Variants in PIAS2 observed in about 807,000 individuals in gnomAD.
The protein encoded by PIAS2 is protein inhibitor of activated STAT 2.
A neutral mutation model predicts 69.7 loss-of-function variants in PIAS2; 19 were observed. That is an observed-to-expected ratio of 0.27 (90% CI 0.19 to 0.40). PIAS2 has a LOEUF of 0.40. PIAS2 is among the 10% of genes least tolerant of loss of function. The pLI is 1.00. For synonymous variants in PIAS2, 261 were observed against 263.2 expected, an observed-to-expected ratio of 0.99 and a Z score of 0.08; for missense variants, 624 against 757.0, an observed-to-expected ratio of 0.82 and a Z score of 2.06.
intron 2 of PIAS2, among the ~76,000 whole-genome samples, chr18:46,878,225 C>T (rs758921102): frequency 2.9e-4 from 44 of 152,134 alleles, no homozygotes; most frequent in Non-Finnish European, 4.9e-4. Flanking sequence ...TCTCACCTGC[C>T]TTTTTAAGAT....
At chr18:46,836,732 G>A (rs1409867117) in intron 8 of PIAS2, among the ~76,000 whole-genome samples, 3 of 152,006 alleles carry the variant, frequency 2.0e-5, no homozygotes, top group African/African-American at 7.3e-5. Flanking sequence ...TTTTCAAAAC[G>A]GGTTAACATG....
chr18:46,827,812 G>A (rs1165923037), intron 11 of PIAS2, 147 bp downstream of exon 11: 19 of 633,998 alleles, frequency 3.0e-5, no homozygotes, highest in Admixed American at 9.0e-5. Context: ...TAAACAATGT[G>A]CTTACTCGAA....
At chr18:46,819,591 T>A (rs185010620) in intron 12 of PIAS2, among the ~76,000 whole-genome samples, 1 of 152,176 alleles carries the variant, frequency 6.6e-6, no homozygotes, top group East Asian at 1.9e-4. Flanking sequence ...ACATAAACTT[T>A]CACCAACAGG....
intron 5 of PIAS2, among the ~76,000 whole-genome samples, chr18:46,850,428 C>CT (rs1447508423): frequency 6.6e-6 from 1 of 152,140 alleles, no homozygotes; most frequent in Admixed American, 6.6e-5. Flanking sequence ...GAAACCAGGA[C>CT]TTTTGACCTG....
At chr18:46,861,036 T>C (rs530162190) in intron 3 of PIAS2, among the ~76,000 whole-genome samples, 84 of 151,976 alleles carry the variant, frequency 5.5e-4, no homozygotes, top group African/African-American at 2.0e-3. Context: ...TCCCAACACT[T>C]TGGGAGGCCG....
chr18:46,836,348 T>TA lies in PIAS2; in HGVS notation c.1202+8dup. ...AGTCCATATCAGCTGTTAAAAGGGA[T>TA]ATACTTACCCATCTAATATTAGACT... On this transcript the variant is annotated intron_variant, in intron 9 of 13. Coordinates refer to ENST00000585916, the MANE Select transcript of PIAS2 (RefSeq NM_004671.5). 1.9e-6 allele frequency: 3 copies of TA among 1,611,848 alleles called. No homozygotes were observed. The highest frequency in any genetic ancestry group is 2.5e-6 in the Non-Finnish European group (3 of 1,177,986).
At chr18:46,919,777 C>G (rs933868298), upstream of PIAS2, among the ~76,000 whole-genome samples, 4 of 152,142 alleles carry the variant, frequency 2.6e-5, no homozygotes, top group Non-Finnish European at 5.9e-5. Context: ...AATGAATGAA[C>G]AATGTCCAGG....
At chr18:46,821,213 C>CACTCT in intron 11 of PIAS2, 141 bp from the exon 12 acceptor site, 1 of 719,442 alleles carries the variant, frequency 1.4e-6, no homozygotes, top group Non-Finnish European at 2.4e-6. Context: ...CACAGCACTC[C>CACTCT]ACTCTACTCT....
chr18:46,872,588 C>G (rs2050534214), intron 2 of PIAS2, among the ~76,000 whole-genome samples: 1 of 152,142 alleles, frequency 6.6e-6, no homozygotes, highest in Non-Finnish European at 1.5e-5. Context: ...TAACCATTTA[C>G]AAGAGAAGGG....
intron 1 of PIAS2, chr18:46,891,284 G>A: frequency 1.6e-6 from 1 of 628,996 alleles, no homozygotes; most frequent in South Asian, 1.7e-5. Flanking sequence ...CTTAATTTTG[G>A]TAATCTATAG....
Position 46,811,756 on chromosome 18 carries a change from CAG to C in PIAS2, c.*675_*676del, listed in dbSNP as rs1160901899. 5.3e-5 allele frequency: 8 copies of C among 152,302 alleles called. No individual in the cohort carries two copies. Among genetic ancestry groups the C allele is most frequent in the Admixed American group, 4.6e-4 (7 of 15,296 alleles). The allele number at this position is 152,302 out of a possible 1,614,324, so 9.4% of individuals were successfully genotyped here. On this transcript the variant is annotated 3_prime_UTR_variant, in exon 14 of 14. Coordinates refer to ENST00000585916, the MANE Select transcript of PIAS2 (RefSeq NM_004671.5). ...TCACCAATGAAGAGTAGCCAAATCCCAGAACTTCACACAGCACTCATTAGCAA... is the reference window on the plus strand; with the variant it reads ...TCACCAATGAAGAGTAGCCAAATCCCAACTTCACACAGCACTCATTAGCAA...
In PIAS2 at chr18:46,890,467, G is replaced by A. The variant is rs556331440; in HGVS notation, c.499+113C>T. ...TTTTTATCCGTATATTCAAACATTC[G>A]GCATTGATGCCTCAATTTCACTATA... On this transcript the variant is annotated intron_variant, in intron 2 of 13. Transcript: ENST00000585916. The A allele has an allele frequency of 6.1e-6, 4 of 660,606 alleles. No individual in the cohort carries two copies. In the South Asian group the frequency reaches 7.7e-5, roughly 13 times the overall value. 40.9% of individuals were successfully genotyped at this position (660,606 alleles called of 1,614,324 possible). A position where few individuals can be genotyped will look rare whatever the true frequency, so the allele number is the denominator to read the frequency against.
At chr18:46,832,198 C>T (rs370047295) in intron 9 of PIAS2, among the ~76,000 whole-genome samples, 1 of 151,506 alleles carries the variant, frequency 6.6e-6, no homozygotes, top group Admixed American at 6.6e-5. Context: ...GGGTGGATCA[C>T]GAGGTCGGGA....
chr18:46,849,336 A>C (rs926544586), intron 5 of PIAS2, among the ~76,000 whole-genome samples: 2 of 152,170 alleles, frequency 1.3e-5, no homozygotes, highest in Admixed American at 1.3e-4. Flanking sequence ...AACCATCAGC[A>C]CCACCCCTAC....
rs149745769 is a variant in PIAS2, at chr18:46,894,759, C to T, written c.25-3705G>A. On this transcript the variant is annotated intron_variant, in intron 1 of 13. Coordinates refer to ENST00000585916, the MANE Select transcript of PIAS2 (RefSeq NM_004671.5). Reference sequence around the variant, plus strand: ...CAAAGATGAAGGCAAGCTGAAGGTGCTACCTCATTAGGTAGAAAATACCTC... The same window carrying T: ...CAAAGATGAAGGCAAGCTGAAGGTGTTACCTCATTAGGTAGAAAATACCTC... Among the ~76,000 whole-genome samples, 171 of 152,178 alleles carry T rather than the reference C, an allele frequency of 1.1e-3. No homozygotes were observed. In the Middle Eastern group the frequency reaches 0.017, roughly 15 times the overall value.
chr18:46,917,510 A>C, upstream of PIAS2: 8 of 1,164,732 alleles, frequency 6.9e-6, no homozygotes, highest in East Asian at 4.1e-5. Flanking sequence ...CGTCACGTGA[A>C]CGGCGCGGGA....
In PIAS2 at chr18:46,807,403, T is replaced by TTC. The variant is rs2040763160; in HGVS notation, c.*5029_*5030insGA. The TTC allele has an allele frequency of 1.4e-5, 1 of 72,166 alleles. No individual in the cohort carries two copies. The highest frequency in any genetic ancestry group is 5.4e-5 in the African/African-American group (1 of 18,658). 4.5% of individuals were successfully genotyped at this position (72,166 alleles called of 1,614,324 possible). A position where few individuals can be genotyped will look rare whatever the true frequency, so the allele number is the denominator to read the frequency against. On this transcript the variant is annotated 3_prime_UTR_variant, in exon 14 of 14. Coordinates refer to ENST00000585916, the MANE Select transcript of PIAS2 (RefSeq NM_004671.5). ...TATATATTTTTTTTTTTTTTTTTTT[T>TTC]TTTTTTTAGAGAGTCTTGCTTTGTT...
chr18:46,893,946 T>C (rs1359537941), intron 1 of PIAS2, among the ~76,000 whole-genome samples: 2 of 152,046 alleles, frequency 1.3e-5, no homozygotes, highest in Non-Finnish European at 2.9e-5. Context: ...ACCAACATGG[T>C]GAAACCCCGT....
At chr18:46,886,585 C>T (rs2053223529) in intron 2 of PIAS2, among the ~76,000 whole-genome samples, 1 of 152,168 alleles carries the variant, frequency 6.6e-6, no homozygotes, top group African/African-American at 2.4e-5. Context: ...CACCTGTAAT[C>T]CCAGCACTTT....
Sources: gnomAD v4.1 joint callset for allele counts (sites outside exome capture counted in the v4.1 genomes callset) on GRCh38, gnomAD v4.1.1 for gene constraint, MANE v1.5 for transcripts, NCBI Gene and HGNC (gene_info 2026-07-23, HGNC 2026-07-21) for gene names.